Variants in CIMIP2A observed in about 807,000 individuals in gnomAD.
CIMIP2A encodes the protein ciliary microtubule inner protein 2A, also known as family with sequence similarity 166 member A.
the CIMIP2A span, chr9:137,243,788 G>A: frequency 1.2e-6 from 2 of 1,613,922 alleles, no homozygotes; most frequent in South Asian, 1.1e-5. Context: ...GTCCTGCATG[G>A]CTGCGGGGAG....
the CIMIP2A span, chr9:137,251,759 G>C: frequency 1.8e-5 from 29 of 1,577,058 alleles, no homozygotes; most frequent in African/African-American, 2.7e-5. Context: ...CTGTGCTGTT[G>C]TTGGGCCCGG....
At chr9:137,252,155 G>A in the CIMIP2A span, 54 of 1,596,446 alleles carry the variant, frequency 3.4e-5, no homozygotes, top group Non-Finnish European at 4.3e-5. Flanking sequence ...CCCTCCCTGA[G>A]GCCCAACCAC....
chr9:137,248,432 A>G, the CIMIP2A span, among the ~76,000 whole-genome samples: 2 of 151,212 alleles, frequency 1.3e-5, no homozygotes, highest in African/African-American at 4.9e-5. Context: ...AGTCCCAGCT[A>G]CTCGGGAGGC....
At chr9:137,243,964 G>C in the CIMIP2A span, among the ~76,000 whole-genome samples, 1 of 152,038 alleles carries the variant, frequency 6.6e-6, no homozygotes, top group Non-Finnish European at 1.5e-5. Flanking sequence ...CTTGGGGCTC[G>C]GCCTGTGTCT....
At chr9:137,244,170 C>G in the CIMIP2A span, 2 of 1,613,700 alleles carry the variant, frequency 1.2e-6, no homozygotes, top group Non-Finnish European at 1.7e-6. Flanking sequence ...ACTCTACTCA[C>G]CGGGGATGAA....
At chr9:137,252,794 G>A in the CIMIP2A span, 4 of 1,563,110 alleles carry the variant, frequency 2.6e-6, no homozygotes, top group Non-Finnish European at 3.5e-6. Flanking sequence ...TAGGGGGCTG[G>A]GCCTCAGGGT....
At chr9:137,247,538 C>G in the CIMIP2A span, 7 of 893,962 alleles carry the variant, frequency 7.8e-6, no homozygotes, top group Admixed American at 4.4e-5. Flanking sequence ...CGTGGTGTGG[C>G]CTTCAGTTTC....
At chr9:137,245,040 C>A in the CIMIP2A span, 3 of 1,609,766 alleles carry the variant, frequency 1.9e-6, no homozygotes, top group Non-Finnish European at 1.7e-6. Flanking sequence ...CTGCAAGAAC[C>A]TTGTGGGGAG....
the CIMIP2A span, chr9:137,251,154 G>A: frequency 1.4e-6 from 1 of 727,256 alleles, no homozygotes; most frequent in Non-Finnish European, 2.5e-6. Context: ...GGGCCCACCA[G>A]GGGTCGGGGC....
chr9:137,245,898 C>G, the CIMIP2A span: 1 of 1,431,792 alleles, frequency 7.0e-7, no homozygotes, highest in Non-Finnish European at 9.3e-7. Flanking sequence ...CAAGGGCAGC[C>G]CCAGCACTGG....
the CIMIP2A span, chr9:137,244,549 C>T: frequency 2.6e-6 from 4 of 1,555,396 alleles, no homozygotes; most frequent in Non-Finnish European, 3.5e-6. Flanking sequence ...TCTCAGGGAA[C>T]CTGGCCTTCA....
chr9:137,244,066 G>A, the CIMIP2A span: 2 of 1,203,368 alleles, frequency 1.7e-6, no homozygotes, highest in East Asian at 2.4e-5. Context: ...CCCTGGTAAT[G>A]GTCAGACAGG....
At chr9:137,244,401 AT>A in the CIMIP2A span, 1 of 1,573,294 alleles carries the variant, frequency 6.4e-7, no homozygotes. Context: ...AAAGCTGCTA[AT>A]GCTCCCAGCC....
the CIMIP2A span, chr9:137,245,363 C>G: frequency 5.6e-6 from 9 of 1,610,626 alleles, no homozygotes; most frequent in East Asian, 2.0e-4. Context: ...GCCTCTTCCC[C>G]GTATACTGGG....
chr9:137,251,311 G>A, the CIMIP2A span: 16 of 1,613,356 alleles, frequency 9.9e-6, no homozygotes, highest in African/African-American at 1.3e-5. Flanking sequence ...CCAGAAGGCA[G>A]TGAAATTCCT....
At chr9:137,252,797 C>T in the CIMIP2A span, 3 of 1,563,518 alleles carry the variant, frequency 1.9e-6, no homozygotes, top group Non-Finnish European at 8.7e-7. Flanking sequence ...GGGGCTGGGC[C>T]TCAGGGTGCA....
At chr9:137,253,576 G>A in the CIMIP2A span, 1 of 1,223,162 alleles carries the variant, frequency 8.2e-7, no homozygotes, top group Non-Finnish European at 1.1e-6. Flanking sequence ...CTGTTGAGGG[G>A]TCTCCATTCA....
the CIMIP2A span, chr9:137,244,659 C>G: frequency 2.5e-6 from 4 of 1,613,730 alleles, no homozygotes; most frequent in East Asian, 8.9e-5. Context: ...TTGTCGAATT[C>G]GTCCATGGCT....
chr9:137,245,155 C>T, the CIMIP2A span: 21 of 1,585,246 alleles, frequency 1.3e-5, no homozygotes, highest in South Asian at 2.3e-5. Context: ...AAGCTGCCCA[C>T]ATCTAGCGTC....
Sources: gnomAD v4.1 joint callset for allele counts (sites outside exome capture counted in the v4.1 genomes callset) on GRCh38, gnomAD v4.1.1 for gene constraint, MANE v1.5 for transcripts, NCBI Gene and HGNC (gene_info 2026-07-23, HGNC 2026-07-21) for gene names.